Variants in SUSD1 observed in about 807,000 individuals in gnomAD.
The protein encoded by SUSD1 is sushi domain-containing protein 1.
In SUSD1, 65 loss-of-function variants were observed where a neutral mutation model predicts 86.9. The ratio of observed to expected loss-of-function variants is 0.75; its 90% confidence interval spans 0.61 to 0.92. The LOEUF (loss-of-function observed/expected upper bound fraction) is 0.92, where lower values mean the gene tolerates loss of function less well. Among genes scored for constraint, SUSD1 ranks in the 40% least tolerant of loss-of-function variants. SUSD1 has a pLI of 0.00. For synonymous variants in SUSD1, 346 were observed against 350.0 expected, an observed-to-expected ratio of 0.99 and a Z score of 0.13; for missense variants, 850 against 929.7, an observed-to-expected ratio of 0.91 and a Z score of 1.11.
At chr9:112,165,966 A>AAAG (rs1245119762) in intron 1 of SUSD1, among the ~76,000 whole-genome samples, 2 of 151,156 alleles carry the variant, frequency 1.3e-5, no homozygotes, top group African/African-American at 4.9e-5. Flanking sequence ...AGAAAGAAAG[A>AAAG]AAGAAAGAAA....
chr9:112,049,809 A>G (rs540723342), intron 15 of SUSD1, among the ~76,000 whole-genome samples: 1 of 152,298 alleles, frequency 6.6e-6, no homozygotes, highest in Non-Finnish European at 1.5e-5. Context: ...TGTTTTTCCT[A>G]TTATCTTCCA....
chr9:112,145,655 T>A (rs1470204173), intron 3 of SUSD1, among the ~76,000 whole-genome samples: 1 of 152,176 alleles, frequency 6.6e-6, no homozygotes, highest in African/African-American at 2.4e-5. Flanking sequence ...TTTTGAACTT[T>A]TATATTCTTT....
At chr9:112,090,562 A>G (rs1185401465) in intron 10 of SUSD1, among the ~76,000 whole-genome samples, 4 of 152,154 alleles carry the variant, frequency 2.6e-5, no homozygotes, top group African/African-American at 9.7e-5. Flanking sequence ...TGTCAAAAAA[A>G]ATAGAGAAAA....
intron 2 of SUSD1, 104 bp from the exon 3 acceptor site, chr9:112,149,503 G>A (rs781954): frequency 0.18 from 231,574 of 1,297,006 alleles, 21,955 homozygotes; most frequent in East Asian, 0.39. Context: ...AACGTTCTGT[G>A]ACCACACCTT....
At chr9:112,105,783 A>G (rs762775506) in intron 8 of SUSD1, among the ~76,000 whole-genome samples, 2 of 152,184 alleles carry the variant, frequency 1.3e-5, no homozygotes, top group African/African-American at 2.4e-5. Context: ...GAACATTTCT[A>G]TCCGTCCACT....
intron 2 of SUSD1, among the ~76,000 whole-genome samples, chr9:112,155,643 G>T (rs896102521): frequency 6.6e-6 from 1 of 151,772 alleles, no homozygotes; most frequent in African/African-American, 2.4e-5. Context: ...TTAAGAGATG[G>T]GATCTTGTTC....
chr9:112,099,965 C>G (rs1176933512), intron 9 of SUSD1, among the ~76,000 whole-genome samples: 1 of 152,186 alleles, frequency 6.6e-6, no homozygotes, highest in African/African-American at 2.4e-5. Context: ...TTTGGCCACC[C>G]ATATCCATGG....
At position 112,098,577 on chromosome 9, in the gene SUSD1, A is replaced by G; in HGVS notation, c.1367T>C (p.Val456Ala). 1.2e-6 allele frequency: 2 copies of G among 1,614,226 alleles called. No individual in the cohort carries two copies. Among genetic ancestry groups the G allele is most frequent in the Admixed American group, 3.3e-5 (2 of 60,024 alleles). The change falls in exon 10 of 17, where the codon GTA (valine) becomes GCA (alanine). Residue 456 changes from valine to alanine, a missense_variant. Physicochemically the swap from Val to Ala is moderately conservative, Grantham distance 64. Coordinates refer to ENST00000374270, the MANE Select transcript of SUSD1 (RefSeq NM_022486.5). ...FNFTTREQVP[V>A]VCLDLYPTTD... ...CGTAGGGTACAGATCCAAACACACT[A>G]CAGGCACTTGTTCCCTCGTTGTGAA...
rs1035342299 is a variant in SUSD1 at position 112,136,137 on chromosome 9, G to A, written c.706+6183C>T. Among the ~76,000 whole-genome samples the A allele has an allele frequency of 5.9e-5, 9 of 152,294 alleles. No individual in the cohort carries two copies. The East Asian group carries it at 7.7e-4, about 13-fold the overall frequency. ...ACCCAACAGAGCTGTTGCATGCAAC[G>A]GGTAAGTCAATGCAGTTTTTAAAAA... is the stretch of plus-strand genomic sequence containing the variant. On this transcript the variant is annotated intron_variant, in intron 5 of 16. Transcript: ENST00000374270.
rs1832681359 is a variant in SUSD1 at position 112,143,625 on chromosome 9, T to C, written c.374-2A>G. 4 of 1,605,456 alleles carry C rather than the reference T, an allele frequency of 2.5e-6. No homozygotes were observed. Among genetic ancestry groups the C allele is most frequent in the Non-Finnish European group, 3.4e-6 (4 of 1,177,076 alleles). Reference sequence around the variant, plus strand: ...CAGAAACTTCACACTCATCTATGTCTTGGGACCCAATCCAAATAGAGAAAA... The same window carrying C: ...CAGAAACTTCACACTCATCTATGTCCTGGGACCCAATCCAAATAGAGAAAA... On this transcript the variant is annotated splice_acceptor_variant, in intron 3 of 16. Transcript: ENST00000374270. LOFTEE classifies it high-confidence loss of function.
At chr9:112,100,053 A>G (rs1830563319) in intron 9 of SUSD1, among the ~76,000 whole-genome samples, 1 of 152,196 alleles carries the variant, frequency 6.6e-6, no homozygotes, top group African/African-American at 2.4e-5. Flanking sequence ...ACCACTTACT[A>G]GTGAGGCATA....
rs566875389 is a variant in SUSD1, at chr9:112,142,358, C to A, written c.668G>T (p.Gly223Val). Residue 223 changes from glycine (G) to valine (V), a missense_variant, in exon 5 of 17, where the codon GGC becomes GTC. Physicochemically the swap from Gly to Val is moderately radical, Grantham distance 109 (BLOSUM62 -3). Transcript: ENST00000374270. The part of the protein sequence containing the change: ...VPEDTVSSCT[G>V]LGTWESPKLH... ...TTTTGGGGACTCCCATGTGCCCAGG[C>A]CTGTGCAGCTTGAAACTGTATCTTC... 2.5e-6 allele frequency: 4 copies of A among 1,613,840 alleles called. No individual in the cohort carries two copies. Among genetic ancestry groups the A allele is most frequent in the Middle Eastern group, 1.6e-4 (1 of 6,062 alleles).
At chr9:112,117,307 T>C (rs1831368262) in intron 6 of SUSD1, among the ~76,000 whole-genome samples, 4 of 152,054 alleles carry the variant, frequency 2.6e-5, no homozygotes, top group Admixed American at 2.6e-4. Context: ...CCTCATGGAG[T>C]GCCCACGGCA....
At chr9:112,132,014 G>A (rs1030261948) in intron 5 of SUSD1, among the ~76,000 whole-genome samples, 7 of 152,190 alleles carry the variant, frequency 4.6e-5, no homozygotes, top group Admixed American at 1.3e-4. Context: ...AGATAAAAAT[G>A]TTTATCCACA....
chr9:112,078,429 T>C lies in SUSD1; in HGVS notation c.1753+109A>G, dbSNP rs972987485. On this transcript the variant is annotated intron_variant, in intron 12 of 16. Transcript: ENST00000374270. The stretch of plus-strand genomic sequence containing the variant: ...TTCCATGTCCTTCCTCCTCTCCCTG[T>C]TAAAGTTCATTATATAATGATAAAA... 2.7e-6 allele frequency: 3 copies of C among 1,104,494 alleles called. No individual in the cohort carries two copies. In the African/African-American group the frequency reaches 4.7e-5, roughly 17 times the overall value. The allele number at this position is 1,104,494 out of a possible 1,614,324, so 68.4% of individuals were successfully genotyped here. A position where few individuals can be genotyped will look rare whatever the true frequency, so the allele number is the denominator to read the frequency against.
chr9:112,058,732 G>GTTCA, intron 13 of SUSD1, 46 bp from the exon 14 acceptor site: 2 of 1,592,110 alleles, frequency 1.3e-6, no homozygotes, highest in Non-Finnish European at 1.7e-6. Flanking sequence ...TGCATGGGGA[G>GTTCA]TTCATTCATT....
At chr9:112,048,814 A>G (rs1828066661) in intron 15 of SUSD1, among the ~76,000 whole-genome samples, 1 of 152,264 alleles carries the variant, frequency 6.6e-6, no homozygotes, top group African/African-American at 2.4e-5. Flanking sequence ...GTGGGTGATC[A>G]GGAAATCCAG....
At chr9:112,043,040 G>A (rs987704870) in intron 15 of SUSD1, among the ~76,000 whole-genome samples, 8 of 152,142 alleles carry the variant, frequency 5.3e-5, no homozygotes, top group South Asian at 2.1e-4. Flanking sequence ...ATTCCTGGGC[G>A]TAGGCTGAAC....
At chr9:112,111,918 C>T (rs1831118062) in intron 7 of SUSD1, 78 bp from the exon 8 acceptor site, 1 of 1,438,858 alleles carries the variant, frequency 6.9e-7, no homozygotes, top group African/African-American at 1.4e-5. Flanking sequence ...GGAGCCCATT[C>T]TCCTACTATT....
Sources: gnomAD v4.1 joint callset for allele counts (sites outside exome capture counted in the v4.1 genomes callset) on GRCh38, gnomAD v4.1.1 for gene constraint, MANE v1.5 for transcripts, NCBI Gene and HGNC (gene_info 2026-07-23, HGNC 2026-07-21) for gene names.